The following PLIN2 variants were observed in gnomAD, a reference collection of about 807,000 sequenced individuals.
PLIN2 encodes perilipin 2.
A neutral mutation model predicts 30.6 loss-of-function variants in PLIN2; 33 were observed. The observed-to-expected ratio is 1.08, with a 90% CI of 0.82 to 1.44. PLIN2 has a LOEUF of 1.44. Among genes scored for constraint, PLIN2 ranks in the 40% most tolerant of loss-of-function variants. PLIN2 has a pLI of 0.00. For missense variants in PLIN2, 610 were observed against 531.8 expected (o/e 1.15, Z -1.45); for synonymous variants, 205 against 201.1 (o/e 1.02, Z -0.16).
In PLIN2 at chr9:19,126,304, C is replaced by T; in HGVS notation, c.36G>A (p.Val12=). 1 of 1,613,768 alleles carries T rather than the reference C, an allele frequency of 6.2e-7. No individual in the cohort carries two copies. Among genetic ancestry groups the T allele is most frequent in the Middle Eastern group, 1.6e-4 (1 of 6,062 alleles). Residue 12 remains valine, a synonymous_variant, in exon 3 of 8, where the codon GTG becomes GTA. Transcript: ENST00000276914. ...ASVAVDPQPS[V]VTRVVNLPLV... ...AGGGCAGGTTGACCACCCGAGTCAC[C>T]ACACTCTGCAATCAAAGTAGGGAGG...
At chr9:19,112,127 C>G (rs1468371127), downstream of PLIN2, among the ~76,000 whole-genome samples, 1 of 152,162 alleles carries the variant, frequency 6.6e-6, no homozygotes, top group African/African-American at 2.4e-5. Context: ...GATGAGAAAA[C>G]TAAGGCTCAG....
chr9:19,126,815 G>A (rs576132702), intron 1 of PLIN2, among the ~76,000 whole-genome samples: 1 of 152,314 alleles, frequency 6.6e-6, no homozygotes, highest in African/African-American at 2.4e-5. Context: ...GCCGAGGGGG[G>A]TGGACTGCTT....
downstream of PLIN2, among the ~76,000 whole-genome samples, chr9:19,111,094 G>A (rs1198040364): frequency 6.7e-6 from 1 of 150,374 alleles, no homozygotes; most frequent in Non-Finnish European, 1.5e-5. Flanking sequence ...GTCTCGCTCT[G>A]TCGCCCAAGC....
At chr9:19,116,760 T>C in intron 7 of PLIN2, 111 bp from the exon 8 acceptor site, 1 of 834,620 alleles carries the variant, frequency 1.2e-6, no homozygotes, top group Non-Finnish European at 1.9e-6. Context: ...CTTTGGCTTT[T>C]AAAAATCCTC....
intron 1 of PLIN2, 24 bp from the exon 2 acceptor site, chr9:19,126,472 G>C (rs377389478): frequency 6.8e-7 from 1 of 1,471,816 alleles, no homozygotes. Context: ...ACTTATTTCA[G>C]AACACCGGGA....
At chr9:19,126,024 G>T in intron 3 of PLIN2, 90 bp downstream of exon 3, 2 of 1,044,132 alleles carry the variant, frequency 1.9e-6, no homozygotes, top group South Asian at 1.4e-5. Context: ...CCCCAGGAAG[G>T]GCTGAGGAGT....
At chr9:19,112,908 G>A (rs1252319532), downstream of PLIN2, among the ~76,000 whole-genome samples, 1 of 151,898 alleles carries the variant, frequency 6.6e-6, no homozygotes, top group Admixed American at 6.6e-5. Flanking sequence ...CCCCTGCTCA[G>A]GAAGAAGAGC....
chr9:19,109,363 G>A (rs1273168717), intron 2 of PLIN2, among the ~76,000 whole-genome samples: 2 of 151,046 alleles, frequency 1.3e-5, no homozygotes, highest in East Asian at 2.0e-4. Flanking sequence ...GACCATCCTG[G>A]CTAACACGGT....
intron 7 of PLIN2, among the ~76,000 whole-genome samples, chr9:19,117,147 C>T (rs1455051630): frequency 6.6e-6 from 1 of 151,778 alleles, no homozygotes; most frequent in East Asian, 1.9e-4. Context: ...TTTCTTTCTT[C>T]TTTCTTTCTT....
At chr9:19,118,214 CT>C in intron 7 of PLIN2, 106 bp downstream of exon 7, 1 of 1,144,842 alleles carries the variant, frequency 8.7e-7, no homozygotes, top group Non-Finnish European at 1.2e-6. Context: ...ATTGTTCAAC[CT>C]TTTGATAGAG....
downstream of PLIN2, among the ~76,000 whole-genome samples, chr9:19,112,200 T>C (rs898629690): frequency 6.6e-6 from 1 of 152,166 alleles, no homozygotes; most frequent in Admixed American, 6.6e-5. Context: ...AGAAAGACTA[T>C]GTTATCATTA....
intron 2 of PLIN2, 43 bp downstream of exon 2, chr9:19,126,354 A>C (rs773679107): frequency 1.2e-6 from 2 of 1,613,572 alleles, no homozygotes; most frequent in Non-Finnish European, 8.5e-7. Flanking sequence ...CTCTCAAAAC[A>C]CAAAAGGAGA....
At chr9:19,111,776 C>CT (rs751171525), downstream of PLIN2, among the ~76,000 whole-genome samples, 4 of 152,038 alleles carry the variant, frequency 2.6e-5, no homozygotes, top group Non-Finnish European at 1.5e-5. Context: ...CAAATTTTAG[C>CT]TTTTTCCTTT....
intron 3 of PLIN2, chr9:19,125,826 G>A (rs1268776935): frequency 7.6e-6 from 2 of 261,570 alleles, no homozygotes; most frequent in Non-Finnish European, 1.5e-5. Context: ...GGGAGGCTGA[G>A]GCAGGAGAAT....
intron 7 of PLIN2, among the ~76,000 whole-genome samples, chr9:19,117,057 G>T (rs1480579831): frequency 2.0e-5 from 3 of 152,106 alleles, no homozygotes; most frequent in Admixed American, 1.3e-4. Flanking sequence ...CAGAGCTTTT[G>T]GGACACAAAG....
intron 3 of PLIN2, among the ~76,000 whole-genome samples, chr9:19,124,345 C>T (rs1483419343): frequency 6.6e-6 from 1 of 152,140 alleles, no homozygotes; most frequent in Non-Finnish European, 1.5e-5. Context: ...CCTACGCTTA[C>T]TTCAGCACAG....
chr9:19,116,067 C>T lies in PLIN2; in HGVS notation c.*181G>A. ...TATCATTCTTTTCTTACCAGGTGAA[C>T]AGAAATCATCTGCTAATGCCAGAAA... On this transcript the variant is annotated 3_prime_UTR_variant, in exon 8 of 8. Coordinates refer to ENST00000276914, the MANE Select transcript of PLIN2 (RefSeq NM_001122.4). 1.9e-6 allele frequency: 1 copy of T among 527,302 alleles called. No individual in the cohort carries two copies. Among genetic ancestry groups the T allele is most frequent in the South Asian group, 3.6e-5 (1 of 27,924 alleles). 32.7% of individuals were successfully genotyped at this position (527,302 alleles called of 1,614,324 possible).
intron 5 of PLIN2, 81 bp downstream of exon 5, chr9:19,120,797 ACT>A: frequency 9.1e-7 from 1 of 1,096,000 alleles, no homozygotes; most frequent in Non-Finnish European, 1.4e-6. Flanking sequence ...GTAAATTTAG[ACT>A]CAAGATGAGA....
At position 19,118,329 on chromosome 9, in the gene PLIN2, A is replaced by G. The variant is rs1202479944; in HGVS notation, c.904T>C (p.Cys302Arg). 6.2e-7 allele frequency: 1 copy of G among 1,612,186 alleles called. No individual in the cohort carries two copies. The highest frequency in any genetic ancestry group is 8.5e-7 in the Non-Finnish European group (1 of 1,179,352). ...CGTCCCAGTCATCTTACCTCAGCACAGTGGGACTCATCAGTATCATCATAT... is the reference window on the plus strand; with the variant it reads ...CGTCCCAGTCATCTTACCTCAGCACGGTGGGACTCATCAGTATCATCATAT... ...IGYDDTDESH[C>R]AEHIESRTLA... The change falls in exon 7 of 8, where the codon TGT becomes CGT. Residue 302 changes from cysteine (C) to arginine (R), a missense_variant. Physicochemically the swap from Cys to Arg is radical, Grantham distance 180. Coordinates refer to ENST00000276914, the MANE Select transcript of PLIN2 (RefSeq NM_001122.4).
Sources: allele counts gnomAD v4.1 joint callset (sites outside exome capture counted in the v4.1 genomes callset), GRCh38; gene constraint gnomAD v4.1.1; transcripts MANE v1.5; gene names NCBI Gene and HGNC (gene_info 2026-07-23, HGNC 2026-07-21).